Variants in CLDN14 observed in about 807,000 individuals in gnomAD.
CLDN14 encodes claudin 14, also known as claudin-14.
In CLDN14, 2 loss-of-function variants were observed where a neutral mutation model predicts 2.1. That is an observed-to-expected ratio of 0.96 (90% CI 0.39 to 3.01). The LOEUF (loss-of-function observed/expected upper bound fraction) is 3.01. CLDN14 is among the 30% of genes most tolerant of loss of function. CLDN14 has a pLI of 0.09. For missense variants in CLDN14, 298 were observed against 328.0 expected (o/e 0.91, Z 0.71); for synonymous variants, 136 against 154.4 (o/e 0.88, Z 0.88).
chr21:36,573,562 T>G (rs2146531134), intron 1 of CLDN14, among the ~76,000 whole-genome samples: 1 of 152,260 alleles, frequency 6.6e-6, no homozygotes, highest in South Asian at 2.1e-4. Context: ...ACTATAAAAC[T>G]TTTAGAAGCA....
chr21:36,466,832 A>G (rs1277649713), intron 1 of CLDN14, among the ~76,000 whole-genome samples: 2 of 152,194 alleles, frequency 1.3e-5, no homozygotes, highest in Non-Finnish European at 2.9e-5. Context: ...CTACAACATC[A>G]AAAGCAAATT....
At chr21:36,506,596 CA>C (rs113812093) in intron 2 of CLDN14, among the ~76,000 whole-genome samples, 10,191 of 105,350 alleles carry the variant, frequency 0.097, 964 homozygotes, top group African/African-American at 0.25. Context: ...GACTCTGTCT[CA>C]AAAAAAAAAA....
chr21:36,551,819 A>T lies in CLDN14; in HGVS notation c.-220+24592T>A, dbSNP rs1001146567. On this transcript the variant is annotated intron_variant, in intron 1 of 2. Transcript: ENST00000342108. This position sits in a 1 kb window ranked among gnomAD's most constrained non-coding sequence, Gnocchi z 4.8. ...AGATCAATGAAGCAGACAGCAACTCATTGCAACTGCTCCTGTCCTGTCGGT... is the reference window on the plus strand; with the variant it reads ...AGATCAATGAAGCAGACAGCAACTCTTTGCAACTGCTCCTGTCCTGTCGGT... Among the ~76,000 whole-genome samples, 5 of 152,190 alleles carry T rather than the reference A, an allele frequency of 3.3e-5. No homozygotes were observed. Among genetic ancestry groups the T allele is most frequent in the African/African-American group, 1.2e-4 (5 of 41,442 alleles).
intron 1 of CLDN14, among the ~76,000 whole-genome samples, chr21:36,466,690 T>C (rs2086650286): frequency 6.6e-6 from 1 of 152,168 alleles, no homozygotes; most frequent in African/African-American, 2.4e-5. Context: ...TCAAATCTCA[T>C]GTCCTCACAT....
intron 1 of CLDN14, among the ~76,000 whole-genome samples, chr21:36,513,276 CT>C (rs1358048461): frequency 6.6e-6 from 1 of 152,188 alleles, no homozygotes; most frequent in Non-Finnish European, 1.5e-5. Flanking sequence ...CAAAGGACCA[CT>C]TTTTCCTTCA....
intron 2 of CLDN14, among the ~76,000 whole-genome samples, chr21:36,510,138 C>T (rs1026580249): frequency 2.0e-5 from 3 of 152,190 alleles, no homozygotes; most frequent in African/African-American, 7.2e-5. Flanking sequence ...TAGCTCTGGG[C>T]CAGTCAAGCG....
At chr21:36,533,106 G>A (rs781138244) in intron 1 of CLDN14, among the ~76,000 whole-genome samples, 9 of 152,164 alleles carry the variant, frequency 5.9e-5, no homozygotes, top group Non-Finnish European at 8.8e-5. Flanking sequence ...GCGTAGCCAC[G>A]AACTACACAG....
chr21:36,523,580 C>G (rs1229305422), intron 1 of CLDN14, among the ~76,000 whole-genome samples: 4 of 151,334 alleles, frequency 2.6e-5, no homozygotes, highest in Admixed American at 1.3e-4. Context: ...AACCCCATTC[C>G]TACTAAAAAT....
Position 36,499,990 on chromosome 21 carries a change from G to T in CLDN14, c.-82+10373C>A, listed in dbSNP as rs28491626. ...CTACCTGTCTTCCAATGCGAGTCCC[G>T]CGAGGTGAAGAATTAGAGCATGTTG... On this transcript the variant is annotated intron_variant, in intron 2 of 2. Transcript: ENST00000342108. This position sits in a 1 kb window ranked among gnomAD's most constrained non-coding sequence, Gnocchi z 4.7. 0.19 allele frequency among the ~76,000 whole-genome samples: 28,042 copies of T among 151,088 alleles called. 2,733 individuals are homozygous for T. Among genetic ancestry groups the T allele is most frequent in the Non-Finnish European group, 0.23 (15,327 of 67,714 alleles).
At chr21:36,566,426 C>T (rs567840185) in intron 1 of CLDN14, among the ~76,000 whole-genome samples, 2 of 152,318 alleles carry the variant, frequency 1.3e-5, no homozygotes, top group African/African-American at 4.8e-5. Flanking sequence ...CCTATGAATG[C>T]AAATCTCAGC....
At chr21:36,495,074 T>C (rs2087003765) in intron 2 of CLDN14, among the ~76,000 whole-genome samples, 1 of 152,108 alleles carries the variant, frequency 6.6e-6, no homozygotes, top group African/African-American at 2.4e-5. Flanking sequence ...ACGCCTGTAA[T>C]CCCAGCACTT....
At chr21:36,467,411 G>A (rs2086659976) in intron 1 of CLDN14, among the ~76,000 whole-genome samples, 1 of 152,036 alleles carries the variant, frequency 6.6e-6, no homozygotes, top group Admixed American at 6.5e-5. Flanking sequence ...TCCCTCCCTG[G>A]GCATGTCTGT....
intron 1 of CLDN14, among the ~76,000 whole-genome samples, chr21:36,478,806 T>C (rs2146445858): frequency 6.6e-6 from 1 of 152,342 alleles, no homozygotes; most frequent in Non-Finnish European, 1.5e-5. Flanking sequence ...TAATCCTGGT[T>C]CCTTTTCTAT....
chr21:36,507,915 T>C (rs529885575), intron 2 of CLDN14, among the ~76,000 whole-genome samples: 4 of 152,306 alleles, frequency 2.6e-5, no homozygotes, highest in Admixed American at 1.3e-4. Flanking sequence ...TATGATACCA[T>C]TGGTCTCAGA....
At chr21:36,538,489 C>A (rs997168175) in intron 1 of CLDN14, among the ~76,000 whole-genome samples, 1 of 152,134 alleles carries the variant, frequency 6.6e-6, no homozygotes, top group South Asian at 2.1e-4. Flanking sequence ...TGGCACACAC[C>A]TTTAATCCCA....
chr21:36,478,496 A>G (rs1224093740), intron 1 of CLDN14, among the ~76,000 whole-genome samples: 2 of 152,270 alleles, frequency 1.3e-5, no homozygotes, highest in Non-Finnish European at 2.9e-5. Flanking sequence ...CAGCAAATGC[A>G]AGGCGTATGC....
intron 1 of CLDN14, among the ~76,000 whole-genome samples, chr21:36,472,319 C>A (rs1012851402): frequency 6.6e-6 from 1 of 152,036 alleles, no homozygotes; most frequent in African/African-American, 2.4e-5. Flanking sequence ...GGTTTAGCTG[C>A]GGGGTGTGAG....
intron 1 of CLDN14, among the ~76,000 whole-genome samples, chr21:36,517,338 C>A (rs2087236377): frequency 6.6e-6 from 1 of 152,188 alleles, no homozygotes; most frequent in African/African-American, 2.4e-5. Flanking sequence ...CATAGAGTCC[C>A]AAAGCCTAAA....
rs575504142 is a variant in CLDN14, at chr21:36,498,750, C to T, written c.-82+11613G>A. Among the ~76,000 whole-genome samples, 28 of 152,278 alleles carry T rather than the reference C, an allele frequency of 1.8e-4. No individual in the cohort carries two copies. The highest frequency in any genetic ancestry group is 4.3e-4 in the African/African-American group (18 of 41,568). ...CTGGCCTTCAGCTCCAATACAGACACGGGAAAACCAGTCTCAGTTCAGGTC... is the reference window on the plus strand; with the variant it reads ...CTGGCCTTCAGCTCCAATACAGACATGGGAAAACCAGTCTCAGTTCAGGTC... On this transcript the variant is annotated intron_variant, in intron 2 of 2. Coordinates refer to the CLDN14 transcript ENST00000342108. The surrounding 1 kb of genome is among the most constrained non-coding windows in gnomAD (Gnocchi z 4.9).
Sources: allele counts gnomAD v4.1 joint callset (sites outside exome capture counted in the v4.1 genomes callset), GRCh38; gene constraint gnomAD v4.1.1; non-coding constraint Gnocchi (gnomAD v3.1); transcripts MANE v1.5; gene names NCBI Gene and HGNC (gene_info 2026-07-23, HGNC 2026-07-21).